PCSK5: variants seen among roughly 807,000 people sequenced by gnomAD.
The protein encoded by PCSK5 is proprotein convertase subtilisin/kexin type 5.
In PCSK5, 129 loss-of-function variants were observed where a neutral mutation model predicts 233.2. The observed-to-expected ratio is 0.55, with a 90% CI of 0.48 to 0.64. PCSK5 has a LOEUF of 0.64. Ranked by LOEUF, PCSK5 falls within the 30% of genes least tolerant of loss-of-function variation. PCSK5 has a pLI of 0.00. For synonymous variants in PCSK5, 825 were observed against 879.2 expected, an observed-to-expected ratio of 0.94 and a Z score of 1.09; for missense variants, 2,076 against 2,430.1, an observed-to-expected ratio of 0.85 and a Z score of 3.06.
rs1008439986 is a variant in PCSK5, at chr9:76,002,702, C to G, written c.411+16457C>G. Among the ~76,000 whole-genome samples the G allele has an allele frequency of 3.3e-5, 5 of 152,084 alleles. No homozygotes were observed. In the East Asian group the frequency reaches 9.6e-4, roughly 29 times the overall value. On this transcript the variant is annotated intron_variant, in intron 3 of 37. Coordinates refer to ENST00000674117, the MANE Select transcript of PCSK5 (RefSeq NM_001372043.1). ...TTGTAAGTGATCAGAAAATTCAATC[C>G]AAACTGGCGGAAGGGAAACAAGTGA... is the stretch of plus-strand genomic sequence containing the variant.
intron 24 of PCSK5, among the ~76,000 whole-genome samples, chr9:76,289,850 T>C (rs1165226267): frequency 2.0e-5 from 3 of 152,230 alleles, no homozygotes; most frequent in African/African-American, 4.8e-5. Context: ...TATTCATTTA[T>C]GCAAACTGTT....
intron 16 of PCSK5, among the ~76,000 whole-genome samples, chr9:76,183,417 CA>C (rs1237486853): frequency 2.0e-5 from 3 of 152,118 alleles, no homozygotes; most frequent in Non-Finnish European, 4.4e-5. Context: ...TAATTACTGC[CA>C]ACACATTTAC....
intron 21 of PCSK5, among the ~76,000 whole-genome samples, chr9:76,229,228 T>C (rs1403831052): frequency 1.1e-4 from 17 of 152,226 alleles, no homozygotes; most frequent in Non-Finnish European, 8.8e-5. Flanking sequence ...TGAGGTTCTG[T>C]TTTTTCTCCA....
At chr9:76,284,961 T>C (rs1182309762) in intron 24 of PCSK5, among the ~76,000 whole-genome samples, 2 of 152,172 alleles carry the variant, frequency 1.3e-5, no homozygotes, top group Non-Finnish European at 2.9e-5. Flanking sequence ...ACACATATAT[T>C]AGCATGCAAG....
At chr9:76,138,068 T>C (rs1333800656) in intron 10 of PCSK5, among the ~76,000 whole-genome samples, 1 of 152,222 alleles carries the variant, frequency 6.6e-6, no homozygotes, top group East Asian at 1.9e-4. Flanking sequence ...CATTTATTTA[T>C]TTACCAATAT....
chr9:75,995,674 G>A (rs144044808), intron 3 of PCSK5, among the ~76,000 whole-genome samples: 1 of 151,630 alleles, frequency 6.6e-6, no homozygotes, highest in Non-Finnish European at 1.5e-5. Flanking sequence ...ACTTAGGTCT[G>A]TGGGCTAGAT....
chr9:76,277,334 G>A (rs960975437), intron 24 of PCSK5, among the ~76,000 whole-genome samples: 1 of 152,200 alleles, frequency 6.6e-6, no homozygotes, highest in Non-Finnish European at 1.5e-5. Flanking sequence ...GCGTTAGTGA[G>A]TGATCCCTAT....
At chr9:76,082,762 AG>A (rs1356311555) in intron 7 of PCSK5, among the ~76,000 whole-genome samples, 6 of 152,038 alleles carry the variant, frequency 3.9e-5, no homozygotes, top group Non-Finnish European at 8.8e-5. Flanking sequence ...ATTCATCAGC[AG>A]GTGTATAATA....
intron 24 of PCSK5, among the ~76,000 whole-genome samples, chr9:76,279,249 T>G (rs975466455): frequency 2.7e-5 from 4 of 150,896 alleles, no homozygotes; most frequent in African/African-American, 9.9e-5. Context: ...AACTCATCAT[T>G]TTTTATGGCT....
Position 76,221,074 on chromosome 9 carries a change from T to C in PCSK5, c.2627-6429T>C, listed in dbSNP as rs1042249986. Among the ~76,000 whole-genome samples the C allele has an allele frequency of 2.6e-5, 4 of 152,354 alleles. No homozygotes were observed. The South Asian group carries it at 8.3e-4, about 32-fold the overall frequency. On this transcript the variant is annotated intron_variant, in intron 20 of 37. Coordinates refer to ENST00000674117, the MANE Select transcript of PCSK5 (RefSeq NM_001372043.1). ...TCAAAAAAATATTTCTGAGTTCCTC[T>C]TAGGAACTTACAGCCTAACGGGCAA...
intron 3 of PCSK5, among the ~76,000 whole-genome samples, chr9:75,989,860 A>G (rs1027189546): frequency 2.0e-5 from 3 of 152,120 alleles, no homozygotes; most frequent in Admixed American, 6.6e-5. Flanking sequence ...CGCTGATTCA[A>G]TGTAACAGGG....
chr9:75,992,551 C>T (rs1220866837), intron 3 of PCSK5, among the ~76,000 whole-genome samples: 3 of 151,940 alleles, frequency 2.0e-5, no homozygotes, highest in African/African-American at 7.3e-5. Flanking sequence ...TTTGGAGAAT[C>T]CCGTAGTAAA....
chr9:76,172,569 C>A (rs562103219), intron 13 of PCSK5, among the ~76,000 whole-genome samples: 2 of 152,280 alleles, frequency 1.3e-5, no homozygotes, highest in Admixed American at 6.5e-5. Flanking sequence ...CTCTTCAAAG[C>A]ACTTAGAGGG....
intron 2 of PCSK5, among the ~76,000 whole-genome samples, chr9:75,952,034 A>C (rs979642644): frequency 6.6e-6 from 1 of 152,190 alleles, no homozygotes; most frequent in African/African-American, 2.4e-5. Context: ...CACTATACTT[A>C]ACCACCTAGA....
At chr9:76,099,262 G>C (rs1419722560) in intron 8 of PCSK5, among the ~76,000 whole-genome samples, 1 of 152,138 alleles carries the variant, frequency 6.6e-6, no homozygotes, top group African/African-American at 2.4e-5. Flanking sequence ...GCTTCAGAGA[G>C]ACCACTCAGT....
chr9:76,351,763 G>C (rs999763357), intron 36 of PCSK5, among the ~76,000 whole-genome samples: 38 of 149,388 alleles, frequency 2.5e-4, no homozygotes, highest in African/African-American at 8.7e-4. Context: ...TTTGAGACAG[G>C]GTCTCACTCT....
chr9:76,315,155 C>T lies in PCSK5; in HGVS notation c.3884+4304C>T, dbSNP rs185810131. Among the ~76,000 whole-genome samples the T allele has an allele frequency of 1.3e-4, 19 of 149,896 alleles. No individual in the cohort carries two copies. In the East Asian group the frequency reaches 2.2e-3, roughly 17 times the overall value. ...TTTTAGTAGAGATGGGGTTTCACCACGTTGGCCAGGCTGGTCTTGAACTCC... is the reference window on the plus strand; with the variant it reads ...TTTTAGTAGAGATGGGGTTTCACCATGTTGGCCAGGCTGGTCTTGAACTCC... On this transcript the variant is annotated intron_variant, in intron 30 of 37. Transcript: ENST00000674117.
At chr9:76,323,844 A>T (rs1301690971) in intron 32 of PCSK5, among the ~76,000 whole-genome samples, 1 of 152,132 alleles carries the variant, frequency 6.6e-6, no homozygotes, top group Non-Finnish European at 1.5e-5. Context: ...GAGCCTTCAA[A>T]AGCTACCTGA....
At chr9:76,032,329 G>A (rs1023408905) in intron 5 of PCSK5, among the ~76,000 whole-genome samples, 3 of 152,138 alleles carry the variant, frequency 2.0e-5, no homozygotes, top group African/African-American at 7.2e-5. Context: ...GGGAATCAAT[G>A]ATGAAATAGT....
Sources: allele counts gnomAD v4.1 joint callset (sites outside exome capture counted in the v4.1 genomes callset), GRCh38; gene constraint gnomAD v4.1.1; transcripts MANE v1.5; gene names NCBI Gene and HGNC (gene_info 2026-07-23, HGNC 2026-07-21).